PLEKHA7: variants seen among roughly 807,000 people sequenced by gnomAD.
The protein encoded by PLEKHA7 is pleckstrin homology domain containing A7.
A neutral mutation model predicts 170.0 loss-of-function variants in PLEKHA7; 104 were observed. That is an observed-to-expected ratio of 0.61 (90% confidence interval 0.52 to 0.72). The LOEUF (loss-of-function observed/expected upper bound fraction) is 0.72. Ranked by LOEUF, PLEKHA7 falls within the 30% of genes least tolerant of loss-of-function variation. The probability of loss-of-function intolerance (pLI) is 0.00; values close to 1 mark genes in which losing one functional copy is unlikely to be tolerated. For synonymous variants in PLEKHA7, 648 were observed against 660.8 expected (o/e 0.98, Z 0.30); for missense variants, 1,615 against 1,671.7 (o/e 0.97, Z 0.59).
In PLEKHA7 at chr11:16,817,483, C is replaced by T. The variant is rs1300190245; in HGVS notation, c.1344-161G>A. The T allele has an allele frequency of 1.5e-6, 1 of 672,198 alleles. No individual in the cohort carries two copies. The highest frequency in any genetic ancestry group is 2.3e-6 in the Non-Finnish European group (1 of 434,720). 41.6% of individuals were successfully genotyped at this position (672,198 alleles called of 1,614,324 possible). ...GACATCCAGGACTTCAGTCACTTCC[C>T]CTTTTGGCAGACGACTCCAAAACCA... On this transcript the variant is annotated intron_variant, in intron 10 of 26. Coordinates refer to ENST00000531066, the MANE Select transcript of PLEKHA7 (RefSeq NM_001329630.2). This position sits in a 1 kb window ranked among gnomAD's most constrained non-coding sequence, Gnocchi z 4.4.
intron 6 of PLEKHA7, among the ~76,000 whole-genome samples, chr11:16,854,635 C>T (rs565088981): frequency 6.6e-6 from 1 of 152,318 alleles, no homozygotes; most frequent in East Asian, 1.9e-4. Flanking sequence ...GGCCTGGGCC[C>T]CAGGACAGCC....
Position 16,791,163 on chromosome 11 carries a change from G to A in PLEKHA7, c.2782C>T (p.Leu928Phe), listed in dbSNP as rs1847824319. 1 of 1,608,642 alleles carries A rather than the reference G, an allele frequency of 6.2e-7. No individual in the cohort carries two copies. The highest frequency in any genetic ancestry group is 8.5e-7 in the Non-Finnish European group (1 of 1,176,572). The part of the protein sequence containing the change: ...EAPPRPPLPE[L>F]YSPEDQPPAV... The stretch of plus-strand genomic sequence containing the variant: ...GGGGGCTGGTCCTCTGGGCTGTAGA[G>A]TTCGGGGAGTGGGGGCCTGGGAGGT... The change falls in exon 20 of 27, where the codon CTC (leucine) becomes TTC (phenylalanine). Residue 928 changes from leucine (L) to phenylalanine (F), a missense_variant. By Grantham distance (22) the Leu-to-Phe change is conservative. Transcript: ENST00000531066. The surrounding 1 kb of genome is among the most constrained non-coding windows in gnomAD (Gnocchi z 4.5).
intron 11 of PLEKHA7, 45 bp downstream of exon 11, chr11:16,816,755 C>G: frequency 6.3e-7 from 1 of 1,590,392 alleles, no homozygotes; most frequent in Non-Finnish European, 8.6e-7. Flanking sequence ...GCTCCTGGCG[C>G]CCTCATGATG....
At chr11:16,922,301 T>C (rs547369479) in intron 3 of PLEKHA7, among the ~76,000 whole-genome samples, 32 of 152,328 alleles carry the variant, frequency 2.1e-4, no homozygotes, top group Non-Finnish European at 4.0e-4. Flanking sequence ...CATTAAATCC[T>C]TTACAATCAT....
intron 4 of PLEKHA7, among the ~76,000 whole-genome samples, chr11:16,858,826 G>GTA (rs1853692465): frequency 6.6e-6 from 1 of 152,144 alleles, no homozygotes; most frequent in South Asian, 2.1e-4. Context: ...CACCAGTGCA[G>GTA]TATAAAGCAC....
chr11:16,863,472 A>C (rs1405601475), intron 4 of PLEKHA7, among the ~76,000 whole-genome samples: 1 of 152,150 alleles, frequency 6.6e-6, no homozygotes. Context: ...CATGCCTTGC[A>C]GCTGGCGTCT....
Position 16,791,170 on chromosome 11 carries a change from G to A in PLEKHA7, c.2775C>T (p.Leu925=). 1 of 1,607,762 alleles carries A rather than the reference G, an allele frequency of 6.2e-7. No homozygotes were observed. The highest frequency in any genetic ancestry group is 8.5e-7 in the Non-Finnish European group (1 of 1,176,106). The change falls in exon 20 of 27, where the codon CTC becomes CTT. Residue 925 remains leucine (L), a synonymous_variant. Transcript: ENST00000531066. This position sits in a 1 kb window ranked among gnomAD's most constrained non-coding sequence, Gnocchi z 4.5. ...GGTCCTCTGGGCTGTAGAGTTCGGG[G>A]AGTGGGGGCCTGGGAGGTGCTTCAT... The part of the protein sequence containing the change: ...VEDEAPPRPP[L]PELYSPEDQP...
intron 3 of PLEKHA7, among the ~76,000 whole-genome samples, chr11:16,996,947 A>C (rs1002811917): frequency 4.6e-5 from 7 of 152,054 alleles, no homozygotes; most frequent in Admixed American, 3.3e-4. Context: ...AAAAAAAAAA[A>C]AGTTGAATCT....
chr11:16,890,802 G>T (rs1161875520), intron 3 of PLEKHA7, among the ~76,000 whole-genome samples: 1 of 152,076 alleles, frequency 6.6e-6, no homozygotes, highest in East Asian at 1.9e-4. Context: ...TTAATGTCCT[G>T]CCTTAAAATC....
At chr11:16,810,702 C>T (rs996195984) in intron 13 of PLEKHA7, among the ~76,000 whole-genome samples, 2 of 152,198 alleles carry the variant, frequency 1.3e-5, no homozygotes, top group Admixed American at 6.5e-5. Context: ...TGTAACTTGC[C>T]TCTCTCTATC....
At position 16,999,842 on chromosome 11, in the gene PLEKHA7, C is replaced by A. The variant is rs190287275; in HGVS notation, c.221+14147G>T. Among the ~76,000 whole-genome samples the A allele has an allele frequency of 4.9e-3, 744 of 152,238 alleles. 14 individuals are homozygous for A. Among genetic ancestry groups the A allele is most frequent in the South Asian group, 0.045 (216 of 4,820 alleles). On this transcript the variant is annotated intron_variant, in intron 3 of 26. Coordinates refer to ENST00000531066, the MANE Select transcript of PLEKHA7 (RefSeq NM_001329630.2). ...TTCTACTTTCAGTGTCCATAAGAATCACCTGTGGAGCTTGTGATAAATGCT... is the reference window on the plus strand; with the variant it reads ...TTCTACTTTCAGTGTCCATAAGAATAACCTGTGGAGCTTGTGATAAATGCT...
intron 3 of PLEKHA7, among the ~76,000 whole-genome samples, chr11:16,924,145 C>A (rs561962688): frequency 1.0e-3 from 152 of 152,144 alleles, no homozygotes; most frequent in Non-Finnish European, 1.8e-3. Context: ...AACAGGACAC[C>A]TTGTACAACT....
chr11:16,882,189 G>A (rs747956825), intron 3 of PLEKHA7, among the ~76,000 whole-genome samples: 46 of 152,132 alleles, frequency 3.0e-4, no homozygotes, highest in Non-Finnish European at 5.6e-4. Flanking sequence ...AATACAAGGG[G>A]TTTTGTCCTG....
intron 3 of PLEKHA7, among the ~76,000 whole-genome samples, chr11:16,924,971 G>A (rs1186467441): frequency 6.6e-6 from 1 of 152,204 alleles, no homozygotes; most frequent in Non-Finnish European, 1.5e-5. Flanking sequence ...AGGTGTGTCT[G>A]AAACCAGAGC....
chr11:16,782,664 C>T, intron 26 of PLEKHA7, 90 bp downstream of exon 26: 1 of 1,467,984 alleles, frequency 6.8e-7, no homozygotes, highest in Non-Finnish European at 9.1e-7. Context: ...ACCTGGTTTT[C>T]CACTGGCTCT....
At chr11:16,965,018 AAAG>A (rs1565161656) in intron 3 of PLEKHA7, among the ~76,000 whole-genome samples, 1 of 151,644 alleles carries the variant, frequency 6.6e-6, no homozygotes, top group Non-Finnish European at 1.5e-5. Context: ...AAAAAAAAAA[AAAG>A]GTTTGGGCCA....
rs141053508 is a variant in PLEKHA7 at position 16,854,854 on chromosome 11, T to C, written c.522+35A>G. The C allele has an allele frequency of 4.3e-5, 68 of 1,581,566 alleles. No homozygotes were observed. In the African/African-American group the frequency reaches 8.5e-4, roughly 20 times the overall value. On this transcript the variant is annotated intron_variant, in intron 6 of 26. Coordinates refer to ENST00000531066, the MANE Select transcript of PLEKHA7 (RefSeq NM_001329630.2). ...AAAGGAGAGAACTCAGCCAGAGCCA[T>C]TTCCTCCAGGATTCTCACTCCTCGG...
intron 4 of PLEKHA7, among the ~76,000 whole-genome samples, chr11:16,867,827 G>A (rs371152113): frequency 2.0e-5 from 3 of 152,124 alleles, no homozygotes; most frequent in African/African-American, 7.2e-5. Context: ...CTACACACAT[G>A]CACGTGTACA....
intron 17 of PLEKHA7, chr11:16,795,268 A>G: frequency 2.0e-6 from 1 of 491,334 alleles, no homozygotes. Context: ...ATTTAAAAAC[A>G]GACTGCCGTA....
Sources: gnomAD v4.1 joint callset for allele counts (sites outside exome capture counted in the v4.1 genomes callset) on GRCh38, gnomAD v4.1.1 for gene constraint, Gnocchi (gnomAD v3.1) non-coding constraint, MANE v1.5 for transcripts, NCBI Gene and HGNC (gene_info 2026-07-23, HGNC 2026-07-21) for gene names.